The following MTM1 variants were observed in gnomAD, a reference collection of about 807,000 sequenced individuals.
MTM1 encodes myotubularin.
Under a neutral mutation model 52.1 loss-of-function variants are expected in MTM1, and 9 were observed. That is an observed-to-expected ratio of 0.17 (90% CI 0.10 to 0.30). The LOEUF is 0.30. Among genes scored for constraint, MTM1 ranks in the 10% least tolerant of loss-of-function variants. MTM1 has a pLI of 1.00. For synonymous variants in MTM1, 136 were observed against 163.8 expected (o/e 0.83, Z 1.29); for missense variants, 277 against 470.7 (o/e 0.59, Z 3.81).
chrX:150,588,646 C>T (rs1452951699), intron 1 of MTM1, among the ~76,000 whole-genome samples: 1 of 111,847 alleles, frequency 8.9e-6, no homozygotes, highest in African/African-American at 3.3e-5. Flanking sequence ...ACTGACCAAT[C>T]CCAGCCCCCT....
intron 1 of MTM1, among the ~76,000 whole-genome samples, chrX:150,576,343 C>T (rs1348680022): frequency 9.0e-6 from 1 of 111,677 alleles, no homozygotes; most frequent in African/African-American, 3.3e-5. Context: ...TTATAAACTA[C>T]CAGCAAATGT....
chrX:150,649,424 C>T (rs782747592), intron 9 of MTM1, among the ~76,000 whole-genome samples: 1 of 112,464 alleles, frequency 8.9e-6, no homozygotes, highest in East Asian at 2.8e-4. Context: ...CTGCTTTTGC[C>T]TTTCCAGATC....
In MTM1 at chrX:150,592,665, G is replaced by A. The variant is rs148455726; in HGVS notation, c.51G>A (p.Glu17=). The A allele has an allele frequency of 6.9e-6, 8 of 1,167,674 alleles. No individual in the cohort carries two copies. In the African/African-American group the frequency reaches 1.4e-4, roughly 21 times the overall value. ...SKYNSHSLEN[E]SIKRTSRDGV... is the part of the protein sequence containing the mutation. ...ATAATTCACACTCCTTGGAGAATGA[G>A]TCTATTAAGAGGGTAAGTTGAATTT... Residue 17 remains glutamate (E), a synonymous_variant, in exon 2 of 15, where the codon GAG becomes GAA. Coordinates refer to ENST00000370396, the MANE Select transcript of MTM1 (RefSeq NM_000252.3).
intron 8 of MTM1, among the ~76,000 whole-genome samples, chrX:150,641,852 C>T (rs187072371): frequency 1.3e-4 from 14 of 111,801 alleles, no homozygotes; most frequent in Admixed American, 1.1e-3. Context: ...ACACTCACCA[C>T]GAGCTCACCC....
intron 2 of MTM1, among the ~76,000 whole-genome samples, chrX:150,594,159 G>A (rs969624783): frequency 9.3e-6 from 1 of 107,874 alleles, no homozygotes; most frequent in African/African-American, 3.4e-5. Flanking sequence ...CCTCAGGCTG[G>A]AGTGCAGTGG....
intron 4 of MTM1, among the ~76,000 whole-genome samples, chrX:150,609,290 C>T (rs1441537663): frequency 3.6e-5 from 4 of 111,429 alleles, no homozygotes; most frequent in African/African-American, 1.3e-4. Flanking sequence ...CCACTGCAAC[C>T]ACGGCAGTGG....
chrX:150,587,043 T>A (rs2038802472), intron 1 of MTM1, among the ~76,000 whole-genome samples: 1 of 110,840 alleles, frequency 9.0e-6, no homozygotes, highest in Non-Finnish European at 1.9e-5. Context: ...AGGGCTGGCG[T>A]CACACCCATT....
At chrX:150,653,599 C>A (rs1158237847) in intron 10 of MTM1, among the ~76,000 whole-genome samples, 1 of 112,010 alleles carries the variant, frequency 8.9e-6, no homozygotes, top group Non-Finnish European at 1.9e-5. Context: ...GGTGGCATGG[C>A]CATCACTAAC....
At chrX:150,620,810 T>A (rs1557413271) in intron 6 of MTM1, among the ~76,000 whole-genome samples, 1 of 111,338 alleles carries the variant, frequency 9.0e-6, no homozygotes, top group Non-Finnish European at 1.9e-5. Context: ...AATTCCTTCC[T>A]CTGGGAGTCT....
upstream of MTM1, among the ~76,000 whole-genome samples, chrX:150,566,089 C>T (rs1276987427): frequency 2.7e-5 from 3 of 110,090 alleles, no homozygotes; most frequent in South Asian, 4.0e-4. Flanking sequence ...AAGAATACAG[C>T]GATGTCACCA....
At chrX:150,564,645 T>G (rs1364558821), upstream of MTM1, among the ~76,000 whole-genome samples, 1 of 112,139 alleles carries the variant, frequency 8.9e-6, no homozygotes, top group Non-Finnish European at 1.9e-5. Context: ...CCTCCCAAAG[T>G]GCTGGGATTA....
intron 4 of MTM1, among the ~76,000 whole-genome samples, chrX:150,608,652 C>T (rs2039215552): frequency 9.0e-6 from 1 of 111,576 alleles, no homozygotes. Context: ...TTTGTGTGGT[C>T]AGAACATTTA....
upstream of MTM1, among the ~76,000 whole-genome samples, chrX:150,563,583 G>T (rs2038227399): frequency 9.4e-6 from 1 of 105,860 alleles, no homozygotes; most frequent in Admixed American, 1.0e-4. Flanking sequence ...AAAGTGCTGG[G>T]ATTAAATCTC....
chrX:150,566,428 G>A (rs1414226119), upstream of MTM1, among the ~76,000 whole-genome samples: 2 of 111,698 alleles, frequency 1.8e-5, no homozygotes, highest in Non-Finnish European at 3.8e-5. Context: ...CTGAGCCACC[G>A]CGCCCAGCCC....
Position 150,671,795 on chromosome X carries a change from A to G in MTM1, c.*200A>G. On this transcript the variant is annotated 3_prime_UTR_variant, in exon 15 of 15. Transcript: ENST00000370396. ...GTCCACACGGCAATCAGAAGAAAGG[A>G]GCTGAGATGAGGTTTTGGAAAACCC... 2.1e-6 allele frequency: 1 copy of G among 472,822 alleles called. No individual in the cohort carries two copies. The highest frequency in any genetic ancestry group is 3.5e-6 in the Non-Finnish European group (1 of 285,670). The allele number at this position is 472,822 out of a possible 1,213,427, so 39.0% of individuals were successfully genotyped here.
At chrX:150,606,919 C>T (rs1185198283) in intron 4 of MTM1, among the ~76,000 whole-genome samples, 3 of 87,535 alleles carry the variant, frequency 3.4e-5, no homozygotes, top group Non-Finnish European at 6.8e-5. Flanking sequence ...CCCTCCCTTC[C>T]CTCGGTTCCC....
chrX:150,618,103 C>A (rs1435220049), intron 5 of MTM1, among the ~76,000 whole-genome samples: 2 of 111,836 alleles, frequency 1.8e-5, no homozygotes, highest in African/African-American at 6.5e-5. Context: ...CCTTTAAAAT[C>A]TGGTTTTGAC....
At chrX:150,583,302 AT>A (rs1360697239) in intron 1 of MTM1, among the ~76,000 whole-genome samples, 1 of 55,042 alleles carries the variant, frequency 1.8e-5, no homozygotes, top group African/African-American at 7.4e-5. Context: ...AATTATATAT[AT>A]TATATATAAT....
At chrX:150,605,624 C>G (rs2039143136) in intron 4 of MTM1, among the ~76,000 whole-genome samples, 1 of 112,321 alleles carries the variant, frequency 8.9e-6, no homozygotes, top group Non-Finnish European at 1.9e-5. Flanking sequence ...CTGTGAAGAA[C>G]TATATAATGT....
Sources: allele counts gnomAD v4.1 joint callset (sites outside exome capture counted in the v4.1 genomes callset), GRCh38; gene constraint gnomAD v4.1.1; transcripts MANE v1.5; gene names NCBI Gene and HGNC (gene_info 2026-07-23, HGNC 2026-07-21).